The following DEPDC4 variants were observed in gnomAD, a reference collection of about 807,000 sequenced individuals.
The protein encoded by DEPDC4 is DEP domain-containing protein 4.
In DEPDC4, 52 loss-of-function variants were observed where a neutral mutation model predicts 52.0. The observed-to-expected ratio is 1.00, with a 90% CI of 0.80 to 1.26. DEPDC4 has a LOEUF of 1.26. DEPDC4 is among the 50% of genes most tolerant of loss of function. The probability of loss-of-function intolerance (pLI) is 0.00; values close to 1 mark genes in which losing one functional copy is unlikely to be tolerated. For synonymous variants in DEPDC4, 201 were observed against 196.8 expected, an observed-to-expected ratio of 1.02 and a Z score of -0.18; for missense variants, 530 against 546.9, an observed-to-expected ratio of 0.97 and a Z score of 0.31.
the DEPDC4 span, among the ~76,000 whole-genome samples, chr12:100,273,000 C>T: frequency 6.6e-6 from 1 of 152,046 alleles, no homozygotes; most frequent in African/African-American, 2.4e-5. Flanking sequence ...TTTATATATT[C>T]TGAATTATAA....
intron 3 of DEPDC4, among the ~76,000 whole-genome samples, chr12:100,260,897 A>G (rs551111169): frequency 1.3e-4 from 19 of 151,318 alleles, no homozygotes; most frequent in Admixed American, 3.3e-4. Context: ...CTGTGTCTCA[A>G]TGGCCAGCCA....
At chr12:100,256,842 CG>C (rs2096235507) in intron 3 of DEPDC4, among the ~76,000 whole-genome samples, 1 of 151,770 alleles carries the variant, frequency 6.6e-6, no homozygotes, top group African/African-American at 2.4e-5. Flanking sequence ...GGGGTTTCAC[CG>C]TGTTAGCTAG....
At chr12:100,255,161 C>T (rs1487240605) in intron 4 of DEPDC4, among the ~76,000 whole-genome samples, 1 of 152,166 alleles carries the variant, frequency 6.6e-6, no homozygotes, top group Non-Finnish European at 1.5e-5. Context: ...GCTAATCTGC[C>T]CTTTTTGCCT....
intron 1 of DEPDC4, among the ~76,000 whole-genome samples, chr12:100,264,877 A>G (rs952613024): frequency 1.3e-5 from 2 of 152,138 alleles, no homozygotes; most frequent in African/African-American, 4.8e-5. Context: ...ACATGGACAT[A>G]TTGCATAATG....
chr12:100,268,959 G>GTT (rs748113101), upstream of DEPDC4, among the ~76,000 whole-genome samples: 2 of 152,134 alleles, frequency 1.3e-5, no homozygotes, highest in Non-Finnish European at 2.9e-5. Context: ...TGTAACAGTA[G>GTT]TCCTGTTCCA....
At chr12:100,235,945 T>C (rs2096140769), downstream of DEPDC4, among the ~76,000 whole-genome samples, 1 of 152,352 alleles carries the variant, frequency 6.6e-6, no homozygotes, top group African/African-American at 2.4e-5. Context: ...ATACGATGTT[T>C]GGTTTCCCAT....
At chr12:100,235,922 T>C (rs2096140689), downstream of DEPDC4, among the ~76,000 whole-genome samples, 1 of 152,178 alleles carries the variant, frequency 6.6e-6, no homozygotes, top group Admixed American at 6.5e-5. Flanking sequence ...AGCTCCCACT[T>C]ATGAAGGAGA....
At chr12:100,278,669 C>T in the DEPDC4 span, among the ~76,000 whole-genome samples, 3 of 147,156 alleles carry the variant, frequency 2.0e-5, no homozygotes, top group Non-Finnish European at 4.5e-5. Flanking sequence ...CTTGCTCCCT[C>T]GCCAAGCTGG....
At chr12:100,238,826 T>C (rs2096147713), downstream of DEPDC4, among the ~76,000 whole-genome samples, 1 of 152,122 alleles carries the variant, frequency 6.6e-6, no homozygotes, top group African/African-American at 2.4e-5. Context: ...TATTTAATAG[T>C]TTATCCATAA....
intron 7 of DEPDC4, among the ~76,000 whole-genome samples, chr12:100,250,275 G>A (rs1478925677): frequency 6.6e-6 from 1 of 152,116 alleles, no homozygotes; most frequent in Admixed American, 6.6e-5. Flanking sequence ...GAGTGCAGCG[G>A]TGCGATCTTG....
At chr12:100,251,506 C>T (rs1489571976) in intron 7 of DEPDC4, among the ~76,000 whole-genome samples, 3 of 151,992 alleles carry the variant, frequency 2.0e-5, no homozygotes. Context: ...CTCATGGGCT[C>T]AACTGACCCT....
chr12:100,281,019 G>GTTTTGTTTTTTTTTTTTTTTTTTT, the DEPDC4 span, among the ~76,000 whole-genome samples: 5 of 50,466 alleles, frequency 9.9e-5, no homozygotes, highest in African/African-American at 3.4e-4. Flanking sequence ...TACCATCAGT[G>GTTTTGTTTTTTTTTTTTTTTTTTT]TTTTTTTTTT....
At chr12:100,280,670 G>C in the DEPDC4 span, among the ~76,000 whole-genome samples, 1 of 152,214 alleles carries the variant, frequency 6.6e-6, no homozygotes, top group African/African-American at 2.4e-5. Flanking sequence ...AATCTGAAAT[G>C]CTCCAGAATC....
intron 8 of DEPDC4, among the ~76,000 whole-genome samples, chr12:100,246,097 C>G (rs1018808759): frequency 6.6e-5 from 10 of 151,660 alleles, no homozygotes; most frequent in African/African-American, 2.4e-4. Context: ...GCAGCTAGGA[C>G]CACAGGCATA....
At chr12:100,236,772 A>G (rs973808365), downstream of DEPDC4, among the ~76,000 whole-genome samples, 1 of 152,192 alleles carries the variant, frequency 6.6e-6, no homozygotes, top group Non-Finnish European at 1.5e-5. Flanking sequence ...AATGTCTAGA[A>G]GAGTTTTTCC....
chr12:100,275,504 C>A, the DEPDC4 span, among the ~76,000 whole-genome samples: 4 of 152,298 alleles, frequency 2.6e-5, no homozygotes, highest in East Asian at 7.7e-4. Context: ...CCTAGAAATA[C>A]AATCTTTTCA....
At chr12:100,271,022 A>T (rs964828976), upstream of DEPDC4, among the ~76,000 whole-genome samples, 2 of 151,966 alleles carry the variant, frequency 1.3e-5, no homozygotes, top group African/African-American at 4.8e-5. Flanking sequence ...TGATAATTAG[A>T]TACTCTTTGT....
chr12:100,258,784 T>A (rs986140954), intron 3 of DEPDC4, among the ~76,000 whole-genome samples: 1 of 150,792 alleles, frequency 6.6e-6, no homozygotes, highest in African/African-American at 2.5e-5. Context: ...AAAAAAATTA[T>A]CTCAGGCCAG....
chr12:100,264,878 T>C (rs1005788307), intron 1 of DEPDC4, among the ~76,000 whole-genome samples: 1 of 152,088 alleles, frequency 6.6e-6, no homozygotes, highest in South Asian at 2.1e-4. Flanking sequence ...CATGGACATA[T>C]TGCATAATGA....
Sources: allele counts gnomAD v4.1 joint callset (sites outside exome capture counted in the v4.1 genomes callset), GRCh38; gene constraint gnomAD v4.1.1; transcripts MANE v1.5; gene names NCBI Gene and HGNC (gene_info 2026-07-23, HGNC 2026-07-21).